Variants in TIPIN observed in about 807,000 individuals in gnomAD.
TIPIN encodes the protein TIMELESS interacting protein, also known as TIMELESS-interacting protein.
In TIPIN, 29 loss-of-function variants were observed where a neutral mutation model predicts 35.6. That is an observed-to-expected ratio of 0.82 (90% CI 0.61 to 1.11). The LOEUF is 1.11. Among genes scored for constraint, TIPIN ranks in the 50% most tolerant of loss-of-function variants. TIPIN has a pLI of 0.00. For missense variants in TIPIN, 296 were observed against 345.4 expected (o/e 0.86, Z 1.13); for synonymous variants, 102 against 121.5 (o/e 0.84, Z 1.06).
At chr15:66,368,378 T>A (rs528325051) in intron 1 of TIPIN, among the ~76,000 whole-genome samples, 2 of 145,794 alleles carry the variant, frequency 1.4e-5, no homozygotes, top group South Asian at 2.2e-4. Flanking sequence ...AAGCGCTGGG[T>A]ATGGTATCAC....
At chr15:66,376,487 G>C (rs193262535) in intron 1 of TIPIN, among the ~76,000 whole-genome samples, 1 of 151,766 alleles carries the variant, frequency 6.6e-6, no homozygotes, top group African/African-American at 2.4e-5. Flanking sequence ...GGAGTGCCAT[G>C]ATGTGGTCTC....
At chr15:66,359,276 TATG>T (rs1175942995), upstream of TIPIN, among the ~76,000 whole-genome samples, 2 of 152,142 alleles carry the variant, frequency 1.3e-5, no homozygotes, top group Non-Finnish European at 2.9e-5. Flanking sequence ...TCCTTTATTT[TATG>T]ATTTTATTTC....
chr15:66,361,319 G>C (rs1476353221), upstream of TIPIN, among the ~76,000 whole-genome samples: 1 of 146,160 alleles, frequency 6.8e-6, no homozygotes, highest in African/African-American at 2.5e-5. Context: ...ACAGTGGCAC[G>C]ATCTCTGCTC....
intron 1 of TIPIN, chr15:66,382,294 CTT>C: frequency 4.1e-6 from 4 of 964,312 alleles, no homozygotes; most frequent in South Asian, 4.8e-5. Flanking sequence ...AATCTCAGGT[CTT>C]TCTCTCTCAA....
intron 1 of TIPIN, chr15:66,379,259 T>A: frequency 6.7e-7 from 1 of 1,483,156 alleles, no homozygotes; most frequent in Middle Eastern, 2.4e-4. Context: ...AGGTCTTTTA[T>A]TACATCATTT....
chr15:66,361,779 G>A (rs542202348), intron 1 of TIPIN, among the ~76,000 whole-genome samples: 11 of 150,784 alleles, frequency 7.3e-5, no homozygotes, highest in African/African-American at 1.2e-4. Context: ...AGGCTGAGGC[G>A]GGCAGATCAC....
Position 66,348,675 on chromosome 15 carries a change from CAG to C in TIPIN, c.475+383_475+384del, listed in dbSNP as rs907636312. 3.0e-3 allele frequency among the ~76,000 whole-genome samples: 14 copies of C among 4,738 alleles called. No homozygotes were observed. In the Non-Finnish European group the frequency reaches 0.26, roughly 89 times the overall value. 3.1% of individuals were successfully genotyped at this position (4,738 alleles called of 152,430 possible). ...TGCCACTGCACTCCAGCCTGGGCTACAGAGTGAGACTCCAGCTCAAAAAAAAA... is the reference window on the plus strand; with the variant it reads ...TGCCACTGCACTCCAGCCTGGGCTACAGTGAGACTCCAGCTCAAAAAAAAA... On this transcript the variant is annotated intron_variant, in intron 6 of 7. Coordinates refer to ENST00000261881, the MANE Select transcript of TIPIN (RefSeq NM_017858.3).
intron 1 of TIPIN, among the ~76,000 whole-genome samples, chr15:66,353,330 A>AAC (rs2093181061): frequency 6.6e-6 from 1 of 152,044 alleles, no homozygotes; most frequent in African/African-American, 2.4e-5. Context: ...AAAAAAAAAA[A>AAC]ATCTGGGCTG....
chr15:66,357,240 A>G (rs1489702120), upstream of TIPIN, among the ~76,000 whole-genome samples: 3 of 152,178 alleles, frequency 2.0e-5, no homozygotes, highest in African/African-American at 7.2e-5. Flanking sequence ...AACCTTGGAA[A>G]TAGGTCTCGG....
At chr15:66,354,893 G>A (rs2093193023) in intron 1 of TIPIN, among the ~76,000 whole-genome samples, 1 of 151,986 alleles carries the variant, frequency 6.6e-6, no homozygotes, top group South Asian at 2.1e-4. Context: ...TCAATATCAG[G>A]TTTTATTTAT....
chr15:66,351,997 G>GCTGAA, intron 3 of TIPIN, 132 bp downstream of exon 3: 1 of 690,452 alleles, frequency 1.4e-6, no homozygotes, highest in African/African-American at 1.9e-5. Context: ...AATATGTTCT[G>GCTGAA]CTGAACTAAA....
chr15:66,338,256 A>G (rs988166198), intron 7 of TIPIN, among the ~76,000 whole-genome samples: 3 of 152,154 alleles, frequency 2.0e-5, no homozygotes, highest in African/African-American at 7.2e-5. Flanking sequence ...CCCCATCTAA[A>G]AAAACAAAAC....
intron 7 of TIPIN, among the ~76,000 whole-genome samples, chr15:66,339,715 A>G (rs1402834812): frequency 6.6e-6 from 1 of 152,180 alleles, no homozygotes; most frequent in African/African-American, 2.4e-5. Context: ...CCTGGGTGAC[A>G]GATTGACAAC....
intron 6 of TIPIN, among the ~76,000 whole-genome samples, chr15:66,342,643 C>T (rs1212367635): frequency 6.6e-6 from 1 of 152,058 alleles, no homozygotes; most frequent in African/African-American, 2.4e-5. Flanking sequence ...AGATTACAAG[C>T]GTGAGCCAAT....
At chr15:66,366,494 C>T (rs1052506314) in intron 1 of TIPIN, among the ~76,000 whole-genome samples, 1 of 149,368 alleles carries the variant, frequency 6.7e-6, no homozygotes, top group African/African-American at 2.5e-5. Context: ...TGGCTCATGC[C>T]TGTAATTCCA....
intron 1 of TIPIN, among the ~76,000 whole-genome samples, chr15:66,377,836 C>A (rs2093303178): frequency 6.6e-6 from 1 of 151,882 alleles, no homozygotes; most frequent in African/African-American, 2.4e-5. Flanking sequence ...GTCATTACAC[C>A]CGACTAATTT....
chr15:66,352,891 T>A lies in TIPIN; in HGVS notation c.57A>T (p.Glu19Asp), dbSNP rs749497501. The A allele has an allele frequency of 6.2e-7, 1 of 1,614,156 alleles. No individual in the cohort carries two copies. Among genetic ancestry groups the A allele is most frequent in the Non-Finnish European group, 8.5e-7 (1 of 1,180,024 alleles). ...VIDLPDYEHV[E>D]DETFPPFPPP... Reference sequence around the variant, plus strand: ...GTGGGAAAGGAGGAAAAGTTTCATCTTCTACATGCTCATAATCTGGTAGGT... The same window carrying A: ...GTGGGAAAGGAGGAAAAGTTTCATCATCTACATGCTCATAATCTGGTAGGT... Residue 19 changes from glutamate (E) to aspartate (D), a missense_variant, in exon 2 of 8, where the codon GAA becomes GAT. Coordinates refer to ENST00000261881, the MANE Select transcript of TIPIN (RefSeq NM_017858.3).
At chr15:66,377,715 C>G (rs552175055) in intron 1 of TIPIN, among the ~76,000 whole-genome samples, 2 of 152,166 alleles carry the variant, frequency 1.3e-5, no homozygotes, top group Admixed American at 1.3e-4. Context: ...GTTGCCCAGG[C>G]TGGAGTGCTG....
At chr15:66,337,803 C>T (rs2093056168) in intron 7 of TIPIN, among the ~76,000 whole-genome samples, 1 of 150,862 alleles carries the variant, frequency 6.6e-6, no homozygotes, top group African/African-American at 2.4e-5. Flanking sequence ...AATTAGCTGG[C>T]TATGGTGGCG....
Sources: gnomAD v4.1 joint callset for allele counts (sites outside exome capture counted in the v4.1 genomes callset) on GRCh38, gnomAD v4.1.1 for gene constraint, MANE v1.5 for transcripts, NCBI Gene and HGNC (gene_info 2026-07-23, HGNC 2026-07-21) for gene names.